CTTNBP2: variants seen among roughly 807,000 people sequenced by gnomAD.
The protein encoded by CTTNBP2 is cortactin binding protein 2.
Under a neutral mutation model 156.9 loss-of-function variants are expected in CTTNBP2, and 108 were observed. The observed-to-expected ratio is 0.69, with a 90% confidence interval of 0.59 to 0.81. The LOEUF (loss-of-function observed/expected upper bound fraction) is 0.81. CTTNBP2 is among the 30% of genes least tolerant of loss of function. The probability of loss-of-function intolerance (pLI) is 0.00; values close to 1 mark genes in which losing one functional copy is unlikely to be tolerated. For synonymous variants in CTTNBP2, 767 were observed against 751.8 expected (o/e 1.02, Z -0.33); for missense variants, 1,924 against 2,035.4 (o/e 0.95, Z 1.05).
At chr7:117,738,057 G>T (rs903745263) in intron 14 of CTTNBP2, among the ~76,000 whole-genome samples, 5 of 152,236 alleles carry the variant, frequency 3.3e-5, no homozygotes, top group African/African-American at 1.2e-4. Context: ...TTGGGGTGGT[G>T]CCACAGGAGT....
intron 2 of CTTNBP2, among the ~76,000 whole-genome samples, chr7:117,850,285 T>C (rs979871939): frequency 6.6e-6 from 1 of 152,226 alleles, no homozygotes; most frequent in Non-Finnish European, 1.5e-5. Context: ...CCTATGTATA[T>C]GGTTTGGTTC....
chr7:117,807,098 C>G (rs762963762), intron 3 of CTTNBP2, among the ~76,000 whole-genome samples: 5 of 152,108 alleles, frequency 3.3e-5, no homozygotes, highest in Non-Finnish European at 5.9e-5. Context: ...CTGCTCTCTC[C>G]TTGAAATTTC....
At position 117,728,072 on chromosome 7, in the gene CTTNBP2, G is replaced by C. The variant is rs1310051301; in HGVS notation, c.4055+17C>G. ...GTCTCTATCATAAGCAGAAAGATAA[G>C]GAAAAATGGCACTTACTTCACTGTC... On this transcript the variant is annotated intron_variant, in intron 17 of 22. Coordinates refer to ENST00000160373, the MANE Select transcript of CTTNBP2 (RefSeq NM_033427.3). The C allele has an allele frequency of 6.2e-7, 1 of 1,607,044 alleles. No homozygotes were observed. The highest frequency in any genetic ancestry group is 8.5e-7 in the Non-Finnish European group (1 of 1,176,154).
rs553472907 is a variant in CTTNBP2, at chr7:117,833,946, C to T, written c.190-22957G>A. Among the ~76,000 whole-genome samples, 65 of 152,288 alleles carry T rather than the reference C, an allele frequency of 4.3e-4. 1 individual carries two copies. Among genetic ancestry groups the T allele is most frequent in the South Asian group, 1.7e-3 (8 of 4,828 alleles). On this transcript the variant is annotated intron_variant, in intron 2 of 22. Transcript: ENST00000160373. ...TGTTAATCAGTAATAACCTTAGATG[C>T]TGCTTACTCACAGTCCTTTAAAAAA...
Position 117,725,295 on chromosome 7 carries a change from G to A in CTTNBP2, c.4056-38C>T, listed in dbSNP as rs775008431. ...GGACCGATTCATCCCTTAGGAGCAG[G>A]CTTCTCAATAATTATACACAATTCC... is the stretch of plus-strand genomic sequence containing the variant. On this transcript the variant is annotated intron_variant, in intron 17 of 22. Transcript: ENST00000160373. 3.8e-6 allele frequency: 6 copies of A among 1,566,948 alleles called. No homozygotes were observed. The Admixed American group carries it at 5.0e-5, about 13-fold the overall frequency.
chr7:117,712,094 G>T (rs1794093426), intron 22 of CTTNBP2, among the ~76,000 whole-genome samples: 1 of 152,162 alleles, frequency 6.6e-6, no homozygotes, highest in Non-Finnish European at 1.5e-5. Context: ...CACCAAATTG[G>T]AGTAGTCCCA....
intron 9 of CTTNBP2, among the ~76,000 whole-genome samples, chr7:117,762,403 T>C (rs571527222): frequency 3.3e-5 from 5 of 152,314 alleles, no homozygotes; most frequent in East Asian, 1.9e-4. Context: ...ATCGTGCCAG[T>C]TGGTCAGACT....
chr7:117,800,571 G>T (rs1050666585), intron 3 of CTTNBP2, among the ~76,000 whole-genome samples: 1 of 151,964 alleles, frequency 6.6e-6, no homozygotes, highest in Non-Finnish European at 1.5e-5. Flanking sequence ...CTTATACAGC[G>T]GTATGAGTAA....
chr7:117,741,988 A>G (rs1796048256), intron 14 of CTTNBP2, among the ~76,000 whole-genome samples: 2 of 152,256 alleles, frequency 1.3e-5, no homozygotes, highest in African/African-American at 4.8e-5. Flanking sequence ...AGCTCATCAT[A>G]TAACATGTGT....
chr7:117,777,654 ACTC>A lies in CTTNBP2; in HGVS notation c.2632_2634del (p.Glu878del), dbSNP rs770768351. ...TCCAAGTCAAAGACACTTGACTCGG[ACTC>A]CTCCTCATTGAAAGAATTTCCATGA... On this transcript the variant is annotated inframe_deletion, in exon 8 of 23. Coordinates refer to ENST00000160373, the MANE Select transcript of CTTNBP2 (RefSeq NM_033427.3). 2.5e-6 allele frequency: 4 copies of A among 1,613,590 alleles called. No individual in the cohort carries two copies. Among genetic ancestry groups the A allele is most frequent in the Non-Finnish European group, 3.4e-6 (4 of 1,179,938 alleles).
intron 11 of CTTNBP2, 144 bp downstream of exon 11, chr7:117,757,731 A>G (rs2116631258): frequency 1.8e-6 from 1 of 564,188 alleles, no homozygotes; most frequent in Non-Finnish European, 3.1e-6. Context: ...AACATTTTAA[A>G]AACATCTAAT....
chr7:117,809,495 A>C (rs748809552), intron 3 of CTTNBP2, among the ~76,000 whole-genome samples: 3 of 152,144 alleles, frequency 2.0e-5, no homozygotes, highest in Non-Finnish European at 4.4e-5. Context: ...GCTCTTGTGT[A>C]TGTGGTTTGT....
At chr7:117,712,033 G>A (rs1030441017) in intron 22 of CTTNBP2, among the ~76,000 whole-genome samples, 19 of 152,142 alleles carry the variant, frequency 1.2e-4, no homozygotes, top group African/African-American at 3.9e-4. Context: ...GTGCTAAGGC[G>A]TCGATCTCCT....
intron 14 of CTTNBP2, among the ~76,000 whole-genome samples, chr7:117,739,829 G>C (rs537438384): frequency 3.3e-5 from 5 of 152,150 alleles, no homozygotes; most frequent in Non-Finnish European, 7.3e-5. Context: ...GCCCAAGGAG[G>C]TAAACTCATT....
rs376841376 is a variant in CTTNBP2 at position 117,735,264 on chromosome 7, G to A, written c.3688+5C>T. On this transcript the variant is annotated splice_donor_5th_base_variant and intron_variant, in intron 15 of 22. Coordinates refer to ENST00000160373, the MANE Select transcript of CTTNBP2 (RefSeq NM_033427.3). ...TTCTCAGCATGGTCCCTTTATTAGC[G>A]TTACCTTTTTGGAAAGTGCAGGGGC... The A allele has an allele frequency of 1.4e-5, 22 of 1,611,958 alleles. No individual in the cohort carries two copies. The highest frequency in any genetic ancestry group is 1.7e-5 in the Admixed American group (1 of 59,496).
chr7:117,827,716 G>A (rs1372046856), intron 2 of CTTNBP2, among the ~76,000 whole-genome samples: 1 of 152,158 alleles, frequency 6.6e-6, no homozygotes, highest in Non-Finnish European at 1.5e-5. Context: ...AGAGTTAACA[G>A]AAGCATTCCC....
Position 117,760,436 on chromosome 7 carries a change from T to C in CTTNBP2, c.3171A>G (p.Leu1057=). ...TCTCCGTCATAGGACTGCTGATACC[T>C]AGCGTGATGGATCGTATGCTTCTTG... ...LSARSIRSIT[L]GNVPWSVGQS... is the part of the protein sequence containing the mutation. The change falls in exon 10 of 23, where the codon CTA becomes CTG. Residue 1057 remains leucine (L), a splice_region_variant and synonymous_variant. Coordinates refer to ENST00000160373, the MANE Select transcript of CTTNBP2 (RefSeq NM_033427.3). 6.2e-7 allele frequency: 1 copy of C among 1,613,432 alleles called. No individual in the cohort carries two copies. The highest frequency in any genetic ancestry group is 8.5e-7 in the Non-Finnish European group (1 of 1,179,382).
chr7:117,803,598 G>A (rs917932147), intron 3 of CTTNBP2, among the ~76,000 whole-genome samples: 1 of 152,010 alleles, frequency 6.6e-6, no homozygotes, highest in Non-Finnish European at 1.5e-5. Flanking sequence ...GAAAGACCAA[G>A]GAAGAATGAC....
intron 4 of CTTNBP2, chr7:117,786,527 C>T: frequency 2.8e-6 from 1 of 361,358 alleles, no homozygotes. Context: ...AGGCATAAAA[C>T]CTCGACTGCA....
Sources: gnomAD v4.1 joint callset for allele counts (sites outside exome capture counted in the v4.1 genomes callset) on GRCh38, gnomAD v4.1.1 for gene constraint, MANE v1.5 for transcripts, NCBI Gene and HGNC (gene_info 2026-07-23, HGNC 2026-07-21) for gene names.